Variants in SRP19 observed in about 807,000 individuals in gnomAD.
The protein encoded by SRP19 is signal recognition particle 19.
A neutral mutation model predicts 22.4 loss-of-function variants in SRP19; 11 were observed. The observed-to-expected ratio is 0.49, with a 90% CI of 0.31 to 0.81. SRP19 has a LOEUF of 0.81. Among genes scored for constraint, SRP19 ranks in the 40% least tolerant of loss-of-function variants. The pLI is 0.05. For missense variants in SRP19, 168 were observed against 175.9 expected, an observed-to-expected ratio of 0.96 and a Z score of 0.25; for synonymous variants, 61 against 57.6, an observed-to-expected ratio of 1.06 and a Z score of -0.27.
downstream of SRP19, chr5:112,895,450 C>T (rs1321789492): frequency 6.6e-6 from 1 of 151,362 alleles, no homozygotes; most frequent in Non-Finnish European, 1.5e-5. Context: ...ATGTAGATGC[C>T]AACCCTTCAG....
At chr5:112,863,457 T>C (rs930636406) in intron 2 of SRP19, among the ~76,000 whole-genome samples, 38 of 152,126 alleles carry the variant, frequency 2.5e-4, no homozygotes, top group African/African-American at 8.9e-4. Flanking sequence ...ATCCCTGGCC[T>C]CTACCCACTA....
rs577048008 is a variant in SRP19 at position 112,880,396 on chromosome 5, C to T, written c.302-11207C>T. 2.2e-4 allele frequency among the ~76,000 whole-genome samples: 34 copies of T among 152,246 alleles called. No homozygotes were observed. In the South Asian group the frequency reaches 6.6e-3, roughly 30 times the overall value. ...GGGGTTGTCTAGAAGCCTCCAGGGC[C>T]CACTGTGAGATTTTACAATCTGCAG... On this transcript the variant is annotated intron_variant, in intron 4 of 4. Coordinates refer to the SRP19 transcript ENST00000391338.
At position 112,861,357 on chromosome 5, in the gene SRP19, T is replaced by C. The variant is rs2150023774; in HGVS notation, c.-20T>C. On this transcript the variant is annotated 5_prime_UTR_variant, in exon 1 of 5. Coordinates refer to ENST00000505459, the MANE Select transcript of SRP19 (RefSeq NM_003135.3). ...CGGGTTTCTCCCTGCGGCTCCTGGG[T>C]TGTTGAGACTCTTGTGAAGATGGCT... 3 of 1,614,038 alleles carry C rather than the reference T, an allele frequency of 1.9e-6. No individual in the cohort carries two copies. The highest frequency in any genetic ancestry group is 2.5e-6 in the Non-Finnish European group (3 of 1,179,988).
exon 5 of SRP19, chr5:112,891,815 A>C: frequency 1.9e-6 from 3 of 1,591,286 alleles, no homozygotes; most frequent in Non-Finnish European, 2.6e-6. Context: ...ACTTTTATTG[A>C]AGAACAACAA....
At chr5:112,863,728 A>G (rs1305332672) in intron 2 of SRP19, among the ~76,000 whole-genome samples, 1 of 152,000 alleles carries the variant, frequency 6.6e-6, no homozygotes, top group Non-Finnish European at 1.5e-5. Context: ...GCGGCAGTGT[A>G]GTCTCAGCGC....
chr5:112,870,654 T>C (rs1767736060), downstream of SRP19, among the ~76,000 whole-genome samples: 1 of 152,170 alleles, frequency 6.6e-6, no homozygotes, highest in Non-Finnish European at 1.5e-5. Context: ...AGGTGGAACC[T>C]TTGGGAGGTG....
At chr5:112,880,024 G>A (rs999226520) in intron 4 of SRP19, among the ~76,000 whole-genome samples, 3 of 152,006 alleles carry the variant, frequency 2.0e-5, no homozygotes, top group South Asian at 4.1e-4. Flanking sequence ...TTTAAAATCT[G>A]TATTTATACT....
chr5:112,861,296 C>A lies in SRP19; in HGVS notation c.-81C>A. 1 of 1,549,680 alleles carries A rather than the reference C, an allele frequency of 6.5e-7. No individual in the cohort carries two copies. The highest frequency in any genetic ancestry group is 8.9e-7 in the Non-Finnish European group (1 of 1,121,718). On this transcript the variant is annotated 5_prime_UTR_variant, in exon 1 of 5. Coordinates refer to ENST00000505459, the MANE Select transcript of SRP19 (RefSeq NM_003135.3). ...CTTCCGGCGGAAAAGCGGGCTGTCT[C>A]GGAAACTCAGAGCCGGGTTCCTCCC...
At chr5:112,884,387 ATT>A (rs1328520628) in intron 4 of SRP19, among the ~76,000 whole-genome samples, 15 of 129,908 alleles carry the variant, frequency 1.2e-4, no homozygotes, top group African/African-American at 1.4e-4. Flanking sequence ...ACCATTTTCT[ATT>A]TTTTTTTTTT....
chr5:112,895,254 A>ATAAAAAAAT (rs1561652986), downstream of SRP19: 2 of 151,386 alleles, frequency 1.3e-5, no homozygotes, highest in Admixed American at 1.3e-4. Flanking sequence ...AAAAAAAAAA[A>ATAAAAAAAT]AAAATCAGGA....
chr5:112,885,355 A>C (rs549094439), intron 4 of SRP19: 3 of 176,072 alleles, frequency 1.7e-5, no homozygotes, highest in African/African-American at 7.2e-5. Flanking sequence ...TTTGCTAGAA[A>C]ATCAGTTTTT....
At chr5:112,876,505 C>A (rs1767898805) in intron 4 of SRP19, 1 of 152,196 alleles carries the variant, frequency 6.6e-6, no homozygotes, top group South Asian at 2.1e-4. Context: ...GTAGAGGAGT[C>A]TTCCCGAGAG....
chr5:112,885,722 C>T (rs1768222791), intron 4 of SRP19: 2 of 301,428 alleles, frequency 6.6e-6, no homozygotes, highest in Non-Finnish European at 6.9e-6. Flanking sequence ...ACATTATCAG[C>T]CAAGCTTGAA....
At chr5:112,880,894 C>T (rs991347196) in intron 4 of SRP19, among the ~76,000 whole-genome samples, 6 of 151,932 alleles carry the variant, frequency 3.9e-5, no homozygotes, top group Admixed American at 6.6e-5. Flanking sequence ...TTTGAGAGGC[C>T]GAGGTGGGTG....
At chr5:112,888,611 T>C (rs1179060228) in intron 4 of SRP19, among the ~76,000 whole-genome samples, 1 of 142,280 alleles carries the variant, frequency 7.0e-6, no homozygotes, top group Non-Finnish European at 1.5e-5. Context: ...CTTTTTTTTG[T>C]AGAGACAAGT....
intron 4 of SRP19, chr5:112,878,967 T>C: frequency 7.1e-7 from 1 of 1,414,360 alleles, no homozygotes; most frequent in Non-Finnish European, 9.7e-7. Context: ...TGCGATCATG[T>C]TGGGGTTTGT....
chr5:112,869,096 CAATG>C lies in SRP19; in HGVS notation c.*1562_*1565del, dbSNP rs1178070955. 3.3e-5 allele frequency: 5 copies of C among 152,160 alleles called. No individual in the cohort carries two copies. The highest frequency in any genetic ancestry group is 7.3e-5 in the Non-Finnish European group (5 of 68,028). 9.4% of individuals were successfully genotyped at this position (152,160 alleles called of 1,614,324 possible). On this transcript the variant is annotated 3_prime_UTR_variant, in exon 5 of 5. Coordinates refer to ENST00000505459, the MANE Select transcript of SRP19 (RefSeq NM_003135.3). ...GGGATGTGTTTGCTGTGTAACAAAA[CAATG>C]AAGGATTTAAGCAGGATATTTTTGC...
At chr5:112,891,787 C>A (rs775646153) in exon 5 of SRP19, 2 of 1,608,652 alleles carry the variant, frequency 1.2e-6, no homozygotes, top group Admixed American at 3.3e-5. Context: ...AGGACTCTCA[C>A]AGGAGGAGGA....
chr5:112,893,104 A>T (rs1328927179), downstream of SRP19: 4 of 1,049,776 alleles, frequency 3.8e-6, no homozygotes, highest in Non-Finnish European at 5.4e-6. Flanking sequence ...TAAAAAAAAA[A>T]AAAAAAAAAA....
Sources: allele counts gnomAD v4.1 joint callset (sites outside exome capture counted in the v4.1 genomes callset), GRCh38; gene constraint gnomAD v4.1.1; transcripts MANE v1.5; gene names NCBI Gene and HGNC (gene_info 2026-07-23, HGNC 2026-07-21).